The following SLC5A4 variants were observed in gnomAD, a reference collection of about 807,000 sequenced individuals.
SLC5A4 encodes solute carrier family 5 member 4, also known as probable glucose sensor protein SLC5A4.
SLC5A4 carries 55 observed loss-of-function variants against 70.3 expected under a neutral mutation model. That is an observed-to-expected ratio of 0.78 (90% CI 0.63 to 0.98). The LOEUF (loss-of-function observed/expected upper bound fraction) is 0.98, where lower values mean the gene tolerates loss of function less well. Among genes scored for constraint, SLC5A4 ranks in the 50% least tolerant of loss-of-function variants. The pLI is 0.00. For missense variants in SLC5A4, 735 were observed against 839.2 expected (o/e 0.88, Z 1.53); for synonymous variants, 268 against 305.7 (o/e 0.88, Z 1.29).
chr22:32,251,796 C>T lies in SLC5A4; in HGVS notation c.286G>A (p.Val96Ile), dbSNP rs1380597089. The change falls in exon 3 of 15, where the codon GTC (valine) becomes ATC (isoleucine). Residue 96 changes from valine (V) to isoleucine (I), a missense_variant. By Grantham distance (29) the Val-to-Ile change is conservative (BLOSUM62 3). Transcript: ENST00000266086. ...GTCCATTCAAATGTTACGGTGGCGA[C>T]TCCTGAAGCTGCTCCTGTCCCAGCC... ...GLAGTGAASG[V>I]ATVTFEWTSS... The T allele has an allele frequency of 6.2e-7, 1 of 1,613,278 alleles. No individual in the cohort carries two copies. Among genetic ancestry groups the T allele is most frequent in the Non-Finnish European group, 8.5e-7 (1 of 1,179,196 alleles).
intron 13 of SLC5A4, among the ~76,000 whole-genome samples, chr22:32,222,993 A>G (rs1000471307): frequency 6.6e-6 from 1 of 151,998 alleles, no homozygotes; most frequent in African/African-American, 2.4e-5. Context: ...TTTTTTTTGT[A>G]TGCTTAGACA....
chr22:32,271,861 G>C, the SLC5A4 span: 3 of 603,846 alleles, frequency 5.0e-6, no homozygotes, highest in African/African-American at 1.8e-5. Flanking sequence ...TGTGCTGCAC[G>C]GTCCACTGTG....
intron 10 of SLC5A4, among the ~76,000 whole-genome samples, chr22:32,229,913 G>C (rs567751592): frequency 6.6e-6 from 1 of 152,302 alleles, no homozygotes; most frequent in Non-Finnish European, 1.5e-5. Flanking sequence ...TTTTAGAAGA[G>C]AGGAAACAAC....
At chr22:32,306,494 T>C in the SLC5A4 span, among the ~76,000 whole-genome samples, 3 of 149,200 alleles carry the variant, frequency 2.0e-5, no homozygotes, top group Non-Finnish European at 3.0e-5. Context: ...CTACTGTATA[T>C]AAAGACAAAA....
At chr22:32,272,936 G>A in the SLC5A4 span, 34 of 534,710 alleles carry the variant, frequency 6.4e-5, no homozygotes, top group South Asian at 3.2e-4. Flanking sequence ...CGGATGCTGC[G>A]TGTGGACCTC....
upstream of SLC5A4, among the ~76,000 whole-genome samples, chr22:32,257,376 ACAGGGTCTCATTCTGTCACCCAGG>A (rs1927539730): frequency 1.3e-5 from 2 of 152,140 alleles, no homozygotes; most frequent in African/African-American, 4.8e-5. Flanking sequence ...TTTCTCAGAG[ACAGGGTCTCATTCTGTCACCCAGG>A]CTGGAGTGCA....
At chr22:32,336,611 C>T in the SLC5A4 span, among the ~76,000 whole-genome samples, 15 of 152,214 alleles carry the variant, frequency 9.9e-5, no homozygotes, top group East Asian at 2.9e-3. Context: ...TGTTTCCTTT[C>T]TCCTGACAGC....
chr22:32,272,348 C>T, the SLC5A4 span: 54 of 848,432 alleles, frequency 6.4e-5, no homozygotes, highest in Admixed American at 5.3e-4. Context: ...CACCTGGTGT[C>T]GGCCATCAGC....
the SLC5A4 span, among the ~76,000 whole-genome samples, chr22:32,309,141 G>GT: frequency 3.9e-5 from 6 of 152,156 alleles, no homozygotes; most frequent in Non-Finnish European, 7.3e-5. Context: ...TGCAGGGCAT[G>GT]TTCAGAGGCT....
the SLC5A4 span, among the ~76,000 whole-genome samples, chr22:32,329,537 CTG>C: frequency 1.9e-3 from 247 of 131,002 alleles, 2 homozygotes; most frequent in African/African-American, 7.1e-3. Context: ...TGGGGGGGCT[CTG>C]TGTCTGTTGA....
the SLC5A4 span, among the ~76,000 whole-genome samples, chr22:32,336,201 T>C: frequency 6.6e-6 from 1 of 152,090 alleles, no homozygotes; most frequent in Admixed American, 6.5e-5. Context: ...CACACTCCTC[T>C]CTGTAGGATC....
chr22:32,250,980 G>T (rs1054156639), intron 3 of SLC5A4, among the ~76,000 whole-genome samples: 1 of 151,768 alleles, frequency 6.6e-6, no homozygotes, highest in African/African-American at 2.4e-5. Context: ...AGGAGAGGGA[G>T]AGCATTAGAA....
the SLC5A4 span, among the ~76,000 whole-genome samples, chr22:32,288,796 T>A: frequency 6.6e-6 from 1 of 152,208 alleles, no homozygotes; most frequent in Non-Finnish European, 1.5e-5. Flanking sequence ...TCCGACCGCC[T>A]CAGCCTCCCA....
At chr22:32,327,162 C>T in the SLC5A4 span, 1 of 152,232 alleles carries the variant, frequency 6.6e-6, no homozygotes, top group Non-Finnish European at 1.5e-5. Flanking sequence ...CACCAGGAGA[C>T]CTGGATGCGA....
intron 10 of SLC5A4, 73 bp downstream of exon 10, chr22:32,230,895 T>C (rs1925710367): frequency 3.4e-6 from 3 of 875,258 alleles, no homozygotes; most frequent in Non-Finnish European, 3.8e-6. Context: ...GTGCAAGAAT[T>C]GCACCATAAC....
At chr22:32,318,259 A>G in the SLC5A4 span, among the ~76,000 whole-genome samples, 2 of 151,318 alleles carry the variant, frequency 1.3e-5, no homozygotes, top group East Asian at 3.9e-4. Flanking sequence ...TGGAGCTGGA[A>G]TTTCACTCTG....
chr22:32,330,153 TGGG>T, the SLC5A4 span, among the ~76,000 whole-genome samples: 5 of 130,108 alleles, frequency 3.8e-5, no homozygotes, highest in African/African-American at 5.7e-5. Context: ...CTGTGCGTAT[TGGG>T]GACTCTGTTG....
At chr22:32,237,818 C>A (rs1569373303) in intron 6 of SLC5A4, among the ~76,000 whole-genome samples, 1 of 152,128 alleles carries the variant, frequency 6.6e-6, no homozygotes, top group Non-Finnish European at 1.5e-5. Flanking sequence ...ACTTCTTTTT[C>A]AGTTCTAGAC....
At chr22:32,291,376 A>C in the SLC5A4 span, among the ~76,000 whole-genome samples, 2 of 151,550 alleles carry the variant, frequency 1.3e-5, no homozygotes, top group Non-Finnish European at 2.9e-5. Context: ...ACGGGGTTTC[A>C]CCGTATTGGT....
Sources: gnomAD v4.1 joint callset for allele counts (sites outside exome capture counted in the v4.1 genomes callset) on GRCh38, gnomAD v4.1.1 for gene constraint, MANE v1.5 for transcripts, NCBI Gene and HGNC (gene_info 2026-07-23, HGNC 2026-07-21) for gene names.